The following LAMA1 variants were observed in gnomAD, a reference collection of about 807,000 sequenced individuals.
The protein encoded by LAMA1 is laminin subunit alpha-1.
A neutral mutation model predicts 348.7 loss-of-function variants in LAMA1; 219 were observed. The ratio of observed to expected loss-of-function variants is 0.63; its 90% confidence interval spans 0.56 to 0.70. The LOEUF is 0.70. Among genes scored for constraint, LAMA1 ranks in the 30% least tolerant of loss-of-function variants. LAMA1 has a pLI of 0.00. For synonymous variants in LAMA1, 1,487 were observed against 1,491.0 expected (o/e 1.00, Z 0.06); for missense variants, 3,744 against 3,888.0 (o/e 0.96, Z 0.99).
At chr18:6,955,165 A>G in intron 57 of LAMA1, 188 bp downstream of exon 57, 1 of 627,304 alleles carries the variant, frequency 1.6e-6, no homozygotes, top group South Asian at 1.8e-5. Context: ...CAGACTCCCC[A>G]GTGAACCACC....
At chr18:6,999,350 T>C in intron 32 of LAMA1, 95 bp downstream of exon 32, 1 of 1,213,586 alleles carries the variant, frequency 8.2e-7, no homozygotes, top group South Asian at 1.3e-5. Flanking sequence ...AGGATGTTTT[T>C]ATTCTGCAGA....
At chr18:6,958,907 ATTTTCT>A (rs1325197116) in intron 54 of LAMA1, among the ~76,000 whole-genome samples, 1 of 151,820 alleles carries the variant, frequency 6.6e-6, no homozygotes, top group Non-Finnish European at 1.5e-5. Context: ...TTTTGGAGAG[ATTTTCT>A]TTTTCTTTTT....
At chr18:7,041,139 T>C (rs2058018821) in intron 9 of LAMA1, among the ~76,000 whole-genome samples, 1 of 151,908 alleles carries the variant, frequency 6.6e-6, no homozygotes, top group South Asian at 2.1e-4. Context: ...TCGTTGTAAA[T>C]TATAAAACTG....
At chr18:7,086,185 C>G (rs755173715) in intron 1 of LAMA1, among the ~76,000 whole-genome samples, 3 of 152,112 alleles carry the variant, frequency 2.0e-5, no homozygotes, top group African/African-American at 7.2e-5. Context: ...TTTTCCTGAC[C>G]CCAGGGTTCT....
chr18:6,966,948 C>T (rs1455828254), intron 48 of LAMA1, among the ~76,000 whole-genome samples: 3 of 152,258 alleles, frequency 2.0e-5, no homozygotes, highest in East Asian at 1.9e-4. Flanking sequence ...ACTATTCAAT[C>T]GCAAAGCCAT....
intron 1 of LAMA1, among the ~76,000 whole-genome samples, chr18:7,104,772 C>T (rs1287556241): frequency 6.6e-6 from 1 of 152,228 alleles, no homozygotes. Flanking sequence ...GCTTTCTGGG[C>T]TCTTGGAAAA....
chr18:7,084,873 T>A lies in LAMA1; in HGVS notation c.62-4416A>T, dbSNP rs112363899. On this transcript the variant is annotated intron_variant, in intron 1 of 62. Transcript: ENST00000389658. Reference sequence around the variant, plus strand: ...TTGGATTTCTTCCCAGCAGAATATATCTTCCCTGTCTTAAAACCAAAGCAT... The same window carrying A: ...TTGGATTTCTTCCCAGCAGAATATAACTTCCCTGTCTTAAAACCAAAGCAT... 2.6e-3 allele frequency among the ~76,000 whole-genome samples: 394 copies of A among 152,346 alleles called. 4 individuals carry two copies. The highest frequency in any genetic ancestry group is 8.8e-3 in the African/African-American group (366 of 41,580).
chr18:7,051,852 G>A (rs2058063333), intron 3 of LAMA1, among the ~76,000 whole-genome samples: 1 of 152,076 alleles, frequency 6.6e-6, no homozygotes, highest in Admixed American at 6.6e-5. Flanking sequence ...CAGCCTCTTT[G>A]GAAAATAGTT....
Position 6,979,689 on chromosome 18 carries a change from G to T in LAMA1, c.6007+832C>A, listed in dbSNP as rs545792439. On this transcript the variant is annotated intron_variant, in intron 42 of 62. Coordinates refer to ENST00000389658, the MANE Select transcript of LAMA1 (RefSeq NM_005559.4). ...CCAAGGCGGGCGGATCACGAGGTCA[G>T]GAGATCGAGACCATCCTGGCTAACA... 5.3e-5 allele frequency among the ~76,000 whole-genome samples: 8 copies of T among 152,242 alleles called. No homozygotes were observed. In the South Asian group the frequency reaches 1.7e-3, roughly 32 times the overall value.
chr18:7,015,964 C>T, intron 21 of LAMA1, 106 bp from the exon 22 acceptor site: 1 of 1,393,330 alleles, frequency 7.2e-7, no homozygotes, highest in Non-Finnish European at 1.0e-6. Context: ...CCACTCTTCT[C>T]ACTCCTAAAA....
chr18:7,045,760 T>C (rs1240524451), intron 6 of LAMA1, among the ~76,000 whole-genome samples: 1 of 152,038 alleles, frequency 6.6e-6, no homozygotes, highest in Non-Finnish European at 1.5e-5. Context: ...GGTTTTGCCA[T>C]GTTGGCCAGA....
At chr18:7,098,734 C>G (rs1429212917) in intron 1 of LAMA1, among the ~76,000 whole-genome samples, 1 of 144,792 alleles carries the variant, frequency 6.9e-6, no homozygotes, top group African/African-American at 2.6e-5. Context: ...GTCAGCCCCC[C>G]GCCCGGCCAG....
At chr18:7,071,627 C>A (rs1337335104) in intron 3 of LAMA1, among the ~76,000 whole-genome samples, 1 of 152,318 alleles carries the variant, frequency 6.6e-6, no homozygotes, top group Non-Finnish European at 1.5e-5. Context: ...GCAGCTTTAA[C>A]AATTATTAAT....
intron 1 of LAMA1, among the ~76,000 whole-genome samples, chr18:7,083,176 AAT>A (rs1317677339): frequency 4.7e-5 from 7 of 147,936 alleles, no homozygotes; most frequent in South Asian, 2.1e-4. Flanking sequence ...GGCTGTTCTA[AAT>A]ATATATATAT....
intron 60 of LAMA1, among the ~76,000 whole-genome samples, chr18:6,947,981 G>C (rs1310837721): frequency 6.6e-6 from 1 of 152,202 alleles, no homozygotes; most frequent in Non-Finnish European, 1.5e-5. Context: ...AGCACAGAGT[G>C]AACGAGAGAT....
intron 60 of LAMA1, 43 bp downstream of exon 60, chr18:6,948,360 G>A (rs768515242): frequency 3.1e-6 from 5 of 1,613,330 alleles, no homozygotes; most frequent in Non-Finnish European, 4.2e-6. Flanking sequence ...TTAGAGTACA[G>A]ACTCATTCGG....
chr18:6,966,119 G>C (rs756143652), intron 49 of LAMA1, 28 bp downstream of exon 49: 2 of 1,612,654 alleles, frequency 1.2e-6, no homozygotes, highest in African/African-American at 2.7e-5. Flanking sequence ...GTATACAGTA[G>C]GGCCTAGGGC....
intron 1 of LAMA1, among the ~76,000 whole-genome samples, chr18:7,101,291 T>C (rs1361555227): frequency 2.0e-5 from 3 of 152,196 alleles, no homozygotes; most frequent in Non-Finnish European, 4.4e-5. Flanking sequence ...TTCTCCTCAC[T>C]CTTGTAAGTA....
At chr18:7,014,133 A>G (rs925150214) in intron 22 of LAMA1, 82 bp from the exon 23 acceptor site, 3 of 1,076,318 alleles carry the variant, frequency 2.8e-6, no homozygotes, top group African/African-American at 1.5e-5. Context: ...ACAGGAAAAC[A>G]CTACATGTGG....
Sources: gnomAD v4.1 joint callset for allele counts (sites outside exome capture counted in the v4.1 genomes callset) on GRCh38, gnomAD v4.1.1 for gene constraint, MANE v1.5 for transcripts, NCBI Gene and HGNC (gene_info 2026-07-23, HGNC 2026-07-21) for gene names.